ABCA9: variants seen among roughly 807,000 people sequenced by gnomAD.
ABCA9 encodes ATP-binding cassette sub-family A member 9.
In ABCA9, 183 loss-of-function variants were observed where a neutral mutation model predicts 205.3. The ratio of observed to expected loss-of-function variants is 0.89; its 90% CI spans 0.79 to 1.01. The LOEUF is 1.01. Ranked by LOEUF, ABCA9 falls within the 50% of genes least tolerant of loss-of-function variation. ABCA9 has a pLI of 0.00. For missense variants in ABCA9, 1,805 were observed against 1,912.4 expected (o/e 0.94, Z 1.05); for synonymous variants, 651 against 683.3 (o/e 0.95, Z 0.74).
intron 18 of ABCA9, 62 bp downstream of exon 18, chr17:69,021,680 C>T: frequency 3.4e-6 from 3 of 869,730 alleles, no homozygotes; most frequent in Non-Finnish European, 3.3e-6. Flanking sequence ...TTTCTTTCGT[C>T]CTTCCTTCCT....
chr17:68,975,732 G>A lies in ABCA9; in HGVS notation c.*183C>T, dbSNP rs2068875050. On this transcript the variant is annotated 3_prime_UTR_variant, in exon 39 of 39. Coordinates refer to ENST00000340001, the MANE Select transcript of ABCA9 (RefSeq NM_080283.4). ...GCTGCATGGTATGGCTTAGGCTTATGCCCTATGATCGCCCTCACTGACATC... is the reference window on the plus strand; with the variant it reads ...GCTGCATGGTATGGCTTAGGCTTATACCCTATGATCGCCCTCACTGACATC... 1 of 582,158 alleles carries A rather than the reference G, an allele frequency of 1.7e-6. No individual in the cohort carries two copies. The highest frequency in any genetic ancestry group is 2.9e-5 in the Admixed American group (1 of 34,148). The allele number at this position is 582,158 out of a possible 1,614,324, so 36.1% of individuals were successfully genotyped here.
intron 25 of ABCA9, among the ~76,000 whole-genome samples, chr17:69,003,322 A>G (rs1251774809): frequency 2.0e-5 from 3 of 151,436 alleles, no homozygotes; most frequent in African/African-American, 7.3e-5. Flanking sequence ...GGTGGTGACA[A>G]AATCTCTCAG....
At chr17:68,985,188 G>A in intron 32 of ABCA9, 60 bp from the exon 33 acceptor site, 3 of 1,610,290 alleles carry the variant, frequency 1.9e-6, no homozygotes, top group Non-Finnish European at 2.5e-6. Context: ...ATGGGAGAAT[G>A]AGCAAATCAG....
intron 16 of ABCA9, among the ~76,000 whole-genome samples, chr17:69,025,773 G>A (rs565728496): frequency 3.0e-4 from 46 of 152,218 alleles, no homozygotes; most frequent in Non-Finnish European, 5.0e-4. Context: ...TTTACAAGTC[G>A]TGGAGATTGG....
intron 26 of ABCA9, among the ~76,000 whole-genome samples, chr17:68,993,431 G>T (rs2069519461): frequency 6.6e-6 from 1 of 152,120 alleles, no homozygotes; most frequent in Non-Finnish European, 1.5e-5. Flanking sequence ...CTTCATTTGT[G>T]CTCTTCCCTC....
rs112956221 is a variant in ABCA9 at position 69,018,538 on chromosome 17, T to C, written c.2642A>G (p.Glu881Gly). ...CTGATATGACTCGTAGAATAGATGT[T>C]CCAAAAGTTGAGGGATAAAGCTAAT... ...FGISFIPQLLEHLFYESYQKS... is the reference protein window; with the variant it reads ...FGISFIPQLLGHLFYESYQKS... Residue 881 changes from glutamate to glycine, a missense_variant, in exon 20 of 39, where the codon GAA (glutamate) becomes GGA (glycine). Coordinates refer to ENST00000340001, the MANE Select transcript of ABCA9 (RefSeq NM_080283.4). The C allele has an allele frequency of 6.2e-6, 10 of 1,603,496 alleles. No individual in the cohort carries two copies. Among genetic ancestry groups the C allele is most frequent in the Non-Finnish European group, 8.5e-6 (10 of 1,176,400 alleles).
Position 69,046,937 on chromosome 17 carries a change from T to A in ABCA9, c.305-1601A>T, listed in dbSNP as rs1315595734. Among the ~76,000 whole-genome samples, 26 of 138,642 alleles carry A rather than the reference T, an allele frequency of 1.9e-4. No homozygotes were observed. The Admixed American group carries it at 1.9e-3, about 10-fold the overall frequency. 91.0% of individuals were successfully genotyped at this position (138,642 alleles called of 152,430 possible). A position where few individuals can be genotyped will look rare whatever the true frequency, so the allele number is the denominator to read the frequency against. On this transcript the variant is annotated intron_variant, in intron 3 of 38. Coordinates refer to ENST00000340001, the MANE Select transcript of ABCA9 (RefSeq NM_080283.4). ...TAAAATTTTATATATATAGAAAATTTTATATATATATATATAATTGTTGTT... is the reference window on the plus strand; with the variant it reads ...TAAAATTTTATATATATAGAAAATTATATATATATATATATAATTGTTGTT...
At chr17:69,018,763 C>A (rs144202879) in intron 19 of ABCA9, among the ~76,000 whole-genome samples, 184 bp from the exon 20 acceptor site, 64 of 152,162 alleles carry the variant, frequency 4.2e-4, no homozygotes, top group African/African-American at 1.4e-3. Context: ...TACCTTTAGT[C>A]TTTTGCTCTC....
Position 68,976,211 on chromosome 17 carries a change from A to G in ABCA9, c.4721-21T>C, listed in dbSNP as rs781095186. ...TTTAACTGCATAAGAATGAGCATAC[A>G]TTAGGAATTCTATTTTTTTTTTCAG... is the stretch of plus-strand genomic sequence containing the variant. On this transcript the variant is annotated intron_variant, in intron 37 of 38. Coordinates refer to ENST00000340001, the MANE Select transcript of ABCA9 (RefSeq NM_080283.4). 4.4e-6 allele frequency: 7 copies of G among 1,604,564 alleles called. 1 individual carries two copies. In the South Asian group the frequency reaches 4.5e-5, roughly 10 times the overall value.
intron 1 of ABCA9, chr17:69,051,656 A>C (rs762929207): frequency 2.1e-4 from 32 of 152,898 alleles, no homozygotes; most frequent in Admixed American, 2.0e-3. Flanking sequence ...GGTGTTAATA[A>C]AACAAATTTT....
At chr17:69,008,661 G>C (rs1325603058) in intron 23 of ABCA9, among the ~76,000 whole-genome samples, 1 of 152,104 alleles carries the variant, frequency 6.6e-6, no homozygotes, top group South Asian at 2.1e-4. Flanking sequence ...TTTTATTTTG[G>C]GTCTAAGAAA....
chr17:69,061,027 TC>T, upstream of ABCA9: 1 of 985,458 alleles, frequency 1.0e-6, no homozygotes, highest in Non-Finnish European at 1.2e-6. Flanking sequence ...CCCAGGAGAA[TC>T]TGGTCTCAGT....
At position 68,985,085 on chromosome 17, in the gene ABCA9, C is replaced by T. The variant is rs28590334; in HGVS notation, c.4252G>A (p.Val1418Met). 2.0e-5 allele frequency: 33 copies of T among 1,614,068 alleles called. No homozygotes were observed. The highest frequency in any genetic ancestry group is 1.5e-4 in the Admixed American group (9 of 60,002). Residue 1418 changes from valine (V) to methionine (M), a missense_variant, in exon 33 of 39, where the codon GTG becomes ATG. By Grantham distance (21) the Val-to-Met change is conservative (BLOSUM62 1). Transcript: ENST00000340001. Reference protein sequence around the residue: ...LKLQDQLKAPVKTLSEGIKRK... With the variant: ...LKLQDQLKAPMKTLSEGIKRK... Reference sequence around the variant, plus strand: ...TTTATTCCCTCTGACAAGGTCTTCACGGGAGCCTTCAGCTGGTCCTGCAGC... The same window carrying T: ...TTTATTCCCTCTGACAAGGTCTTCATGGGAGCCTTCAGCTGGTCCTGCAGC...
rs926883594 is a variant in ABCA9 at position 69,045,074 on chromosome 17, G to A, written c.469+98C>T. The A allele has an allele frequency of 7.4e-5, 68 of 917,564 alleles. No individual in the cohort carries two copies. The Admixed American group carries it at 1.7e-3, about 23-fold the overall frequency. The allele number at this position is 917,564 out of a possible 1,614,324, so 56.8% of individuals were successfully genotyped here. A position where few individuals can be genotyped will look rare whatever the true frequency, so the allele number is the denominator to read the frequency against. On this transcript the variant is annotated intron_variant, in intron 4 of 38. Coordinates refer to ENST00000340001, the MANE Select transcript of ABCA9 (RefSeq NM_080283.4). The stretch of plus-strand genomic sequence containing the variant: ...GAAATTAAAGCTCTATGTTGTGGTT[G>A]TATATGTTTGTGTAGTTTCACCTCT...
chr17:68,992,036 G>T (rs938993829), intron 28 of ABCA9, 139 bp downstream of exon 28: 1 of 528,862 alleles, frequency 1.9e-6, no homozygotes. Flanking sequence ...CTATATTATG[G>T]GTTATAAGAA....
Position 69,028,612 on chromosome 17 carries a change from G to T in ABCA9, c.1538C>A (p.Thr513Asn). 5.0e-6 allele frequency: 8 copies of T among 1,609,186 alleles called. No individual in the cohort carries two copies. Among genetic ancestry groups the T allele is most frequent in the Non-Finnish European group, 6.8e-6 (8 of 1,177,480 alleles). Reference sequence around the variant, plus strand: ...AGCTCCACTGTGACCAAGGAGGGCAGTGATCTGGCCTTCATATATGTCAAA... The same window carrying T: ...AGCTCCACTGTGACCAAGGAGGGCATTGATCTGGCCTTCATATATGTCAAA... Reference protein sequence around the residue: ...VVFDIYEGQITALLGHSGAGK... With the variant: ...VVFDIYEGQINALLGHSGAGK... The change falls in exon 12 of 39, where the codon ACT becomes AAT. Residue 513 changes from threonine (T) to asparagine (N), a missense_variant. Physicochemically the swap from Thr to Asn is moderately conservative, Grantham distance 65 (BLOSUM62 0). Coordinates refer to ENST00000340001, the MANE Select transcript of ABCA9 (RefSeq NM_080283.4).
intron 10 of ABCA9, 92 bp downstream of exon 10, chr17:69,032,016 C>A: frequency 7.7e-7 from 1 of 1,292,894 alleles, no homozygotes; most frequent in Non-Finnish European, 1.1e-6. Context: ...ACAGAGGGCA[C>A]AGAAGGCGAT....
In ABCA9 at chr17:69,017,689, G is replaced by GT. The variant is rs1316724538; in HGVS notation, c.2867dup (p.Tyr956Ter). 1 of 1,613,370 alleles carries GT rather than the reference G, an allele frequency of 6.2e-7. No homozygotes were observed. Among genetic ancestry groups the GT allele is most frequent in the Non-Finnish European group, 8.5e-7 (1 of 1,179,458 alleles). ...GTRNGTDDPS[Y>*]NGAIIVSGDE... ...CACCTGACACAATGATAGCACCATT[G>GT]TAAGATGGGTCATCTGTGCCATTTC... Residue 956 changes from tyrosine (Y) to a stop codon, truncating the protein, a stop_gained and frameshift_variant, in exon 21 of 39, where the codon TAC becomes TAAC. Transcript: ENST00000340001. LOFTEE classifies it high-confidence loss of function.
At chr17:69,031,506 A>C (rs562699148) in intron 10 of ABCA9, among the ~76,000 whole-genome samples, 1 of 152,330 alleles carries the variant, frequency 6.6e-6, no homozygotes, top group East Asian at 1.9e-4. Context: ...ACAAAATTTG[A>C]GCAAAGATCT....
Sources: gnomAD v4.1 joint callset for allele counts (sites outside exome capture counted in the v4.1 genomes callset) on GRCh38, gnomAD v4.1.1 for gene constraint, MANE v1.5 for transcripts, NCBI Gene and HGNC (gene_info 2026-07-23, HGNC 2026-07-21) for gene names.